Variants in CAST observed in about 807,000 individuals in gnomAD.
CAST encodes calpastatin.
In CAST, 76 loss-of-function variants were observed where a neutral mutation model predicts 119.6. That is an observed-to-expected ratio of 0.64 (90% CI 0.53 to 0.77). CAST has a LOEUF of 0.77. Among genes scored for constraint, CAST ranks in the 30% least tolerant of loss-of-function variants. The probability of loss-of-function intolerance (pLI) is 0.00; values close to 1 mark genes in which losing one functional copy is unlikely to be tolerated. For missense variants in CAST, 953 were observed against 946.5 expected, an observed-to-expected ratio of 1.01 and a Z score of -0.09; for synonymous variants, 319 against 331.6, an observed-to-expected ratio of 0.96 and a Z score of 0.41.
intron 1 of CAST, among the ~76,000 whole-genome samples, chr5:96,617,475 G>C (rs1214759817): frequency 6.6e-6 from 1 of 152,022 alleles, no homozygotes; most frequent in African/African-American, 2.4e-5. Context: ...CTTTATGCAG[G>C]CATCAATAAT....
chr5:96,672,884 T>C (rs994366324), intron 1 of CAST, among the ~76,000 whole-genome samples: 7 of 152,140 alleles, frequency 4.6e-5, no homozygotes, highest in Non-Finnish European at 8.8e-5. Flanking sequence ...ATGCTTATAG[T>C]ACATAATTTT....
At chr5:96,340,015 C>T in the CAST span, among the ~76,000 whole-genome samples, 3 of 152,130 alleles carry the variant, frequency 2.0e-5, no homozygotes. Context: ...AACTCATGGC[C>T]TTTCAATGAG....
the CAST span, among the ~76,000 whole-genome samples, chr5:96,508,604 G>C: frequency 6.6e-6 from 1 of 152,070 alleles, no homozygotes; most frequent in Non-Finnish European, 1.5e-5. Flanking sequence ...AGCTTGTAAA[G>C]AAAAATTCTC....
At chr5:96,076,642 T>A in the CAST span, among the ~76,000 whole-genome samples, 2 of 152,210 alleles carry the variant, frequency 1.3e-5, no homozygotes, top group Non-Finnish European at 2.9e-5. Context: ...TCAGTCTCTG[T>A]AGTTGAAAGC....
At chr5:96,586,184 A>G (rs1452370802) in intron 1 of CAST, among the ~76,000 whole-genome samples, 1 of 152,186 alleles carries the variant, frequency 6.6e-6, no homozygotes, top group Non-Finnish European at 1.5e-5. Flanking sequence ...CTTGCCCACT[A>G]CTAGGTGGTG....
At chr5:96,395,841 AAT>A in the CAST span, among the ~76,000 whole-genome samples, 4 of 68,112 alleles carry the variant, frequency 5.9e-5, no homozygotes, top group Admixed American at 2.8e-4. Context: ...AAAATAAATA[AAT>A]AAGAGGTCTA....
At chr5:96,475,384 C>A in the CAST span, among the ~76,000 whole-genome samples, 3 of 152,202 alleles carry the variant, frequency 2.0e-5, no homozygotes, top group Admixed American at 2.0e-4. Context: ...TAAGATTAAG[C>A]CCTAGCTCTG....
chr5:96,197,027 T>C, the CAST span, among the ~76,000 whole-genome samples: 2 of 152,198 alleles, frequency 1.3e-5, no homozygotes, highest in Non-Finnish European at 2.9e-5. Flanking sequence ...ACTATGACTC[T>C]TACAAAATGA....
chr5:96,048,946 A>T, the CAST span, among the ~76,000 whole-genome samples: 2 of 152,218 alleles, frequency 1.3e-5, no homozygotes, highest in African/African-American at 4.8e-5. Context: ...AGTCTGCAGC[A>T]TGGAGATACA....
At chr5:96,071,013 G>A in the CAST span, among the ~76,000 whole-genome samples, 3 of 152,102 alleles carry the variant, frequency 2.0e-5, no homozygotes, top group East Asian at 5.8e-4. Flanking sequence ...ACAGAGAGAT[G>A]AGTAGAGTGA....
At chr5:96,675,701 G>A in intron 2 of CAST, 100 bp downstream of exon 2, 2 of 817,010 alleles carry the variant, frequency 2.4e-6, no homozygotes, top group South Asian at 3.9e-5. Flanking sequence ...CTTCTACCTT[G>A]CTTAATATTG....
At chr5:96,037,025 C>A in the CAST span, among the ~76,000 whole-genome samples, 1 of 152,088 alleles carries the variant, frequency 6.6e-6, no homozygotes, top group Admixed American at 6.6e-5. Flanking sequence ...ATAGATGTGA[C>A]CTAGCCTCTT....
At chr5:96,111,753 A>T in the CAST span, among the ~76,000 whole-genome samples, 1 of 152,188 alleles carries the variant, frequency 6.6e-6, no homozygotes, top group African/African-American at 2.4e-5. Flanking sequence ...GCAAGTACTG[A>T]TGGGAGTCAA....
the CAST span, among the ~76,000 whole-genome samples, chr5:95,979,624 ATTAGTT>A: frequency 3.3e-5 from 5 of 152,196 alleles, no homozygotes; most frequent in Non-Finnish European, 7.4e-5. Flanking sequence ...TTCAGAGAGA[ATTAGTT>A]TAAGTTTACT....
At chr5:96,713,133 C>CT (rs11406642) in intron 3 of CAST, among the ~76,000 whole-genome samples, 61,845 of 136,746 alleles carry the variant, frequency 0.45, 14,986 homozygotes, top group Non-Finnish European at 0.55. Context: ...CAGAATTTCT[C>CT]TTTTTTTTTT....
At chr5:95,977,013 C>T in the CAST span, among the ~76,000 whole-genome samples, 4,629 of 152,206 alleles carry the variant, frequency 0.03, 112 homozygotes, top group Admixed American at 0.075. Context: ...CACTCAGTAG[C>T]ATGATGATGA....
chr5:96,062,602 C>T, the CAST span, among the ~76,000 whole-genome samples: 1 of 152,042 alleles, frequency 6.6e-6, no homozygotes, highest in South Asian at 2.1e-4. Flanking sequence ...TGGCTGCCAC[C>T]CCATCACTTC....
At chr5:96,530,305 A>C (rs1167335734) in intron 1 of CAST, among the ~76,000 whole-genome samples, 1 of 152,176 alleles carries the variant, frequency 6.6e-6, no homozygotes. Context: ...AGAAGAAAAC[A>C]GTATTCCAGG....
the CAST span, among the ~76,000 whole-genome samples, chr5:96,497,035 A>G: frequency 6.8e-5 from 7 of 102,990 alleles, no homozygotes; most frequent in African/African-American, 2.7e-4. Flanking sequence ...AACAGGCCCC[A>G]GTGTGTGATG....
Sources: gnomAD v4.1 joint callset for allele counts (sites outside exome capture counted in the v4.1 genomes callset) on GRCh38, gnomAD v4.1.1 for gene constraint, MANE v1.5 for transcripts, NCBI Gene and HGNC (gene_info 2026-07-23, HGNC 2026-07-21) for gene names.